The following VPS13B variants were observed in gnomAD, a reference collection of about 807,000 sequenced individuals.
VPS13B encodes vacuolar protein sorting 13 homolog B.
Under a neutral mutation model 426.4 loss-of-function variants are expected in VPS13B, and 285 were observed. The ratio of observed to expected loss-of-function variants is 0.67; its 90% CI spans 0.61 to 0.74. The LOEUF (loss-of-function observed/expected upper bound fraction) is 0.74. VPS13B is among the 30% of genes least tolerant of loss of function. The pLI, the probability that VPS13B is intolerant of heterozygous loss-of-function variation, is 0.00. For synonymous variants in VPS13B, 1,676 were observed against 1,676.4 expected (o/e 1.00, Z 0.01); for missense variants, 4,537 against 4,782.6 (o/e 0.95, Z 1.51).
Position 99,135,088 on chromosome 8 carries a change from G to A in VPS13B, c.1376G>A (p.Gly459Glu), listed in dbSNP as rs1810005848. ...FVGCRAMCLK[G>E]IMGVKDFEEN... ...GGTTGCAGAGCCATGTGCCTTAAAG[G>A]AATTATGGGTGTTAAAGATTTTGAA... is the stretch of plus-strand genomic sequence containing the variant. Residue 459 changes from glycine (G) to glutamate (E), a missense_variant, in exon 10 of 62, where the codon GGA (glycine) becomes GAA (glutamate). Gly to Glu is a moderately conservative substitution (Grantham distance 98). This residue lies in a region of VPS13B where 4,311 missense variants were observed against 4,474.3 expected (regional missense o/e 0.96). Coordinates refer to ENST00000357162, the MANE Select transcript of VPS13B (RefSeq NM_152564.5). The A allele has an allele frequency of 6.2e-7, 1 of 1,613,562 alleles. No individual in the cohort carries two copies. Among genetic ancestry groups the A allele is most frequent in the Admixed American group, 1.7e-5 (1 of 59,990 alleles).
Position 99,819,996 on chromosome 8 carries a change from G to T in VPS13B, c.8868G>T (p.Leu2956Phe). Reference sequence around the variant, plus strand: ...TCTGGAAGCCATATGTTAGAACTTTGTTGATAGAACTTCTGCCCTGGGCCC... The same window carrying T: ...TCTGGAAGCCATATGTTAGAACTTTTTTGATAGAACTTCTGCCCTGGGCCC... ...LSIWKPYVRTLLIELLPWALL... is the reference protein window; with the variant it reads ...LSIWKPYVRTFLIELLPWALL... The change falls in exon 49 of 62, where the codon TTG becomes TTT. Residue 2956 changes from leucine to phenylalanine, a missense_variant. By Grantham distance (22) the Leu-to-Phe change is conservative. Around this residue, in one of 2 missense-constraint regions of VPS13B, gnomAD observed 4,311 missense variants for 4,474.3 expected, o/e 0.96. Transcript: ENST00000357162. The T allele has an allele frequency of 2.5e-6, 4 of 1,614,018 alleles. No homozygotes were observed. The highest frequency in any genetic ancestry group is 3.4e-6 in the Non-Finnish European group (4 of 1,179,934).
chr8:99,658,862 C>T (rs1238848031), intron 34 of VPS13B, among the ~76,000 whole-genome samples: 1 of 152,182 alleles, frequency 6.6e-6, no homozygotes, highest in Non-Finnish European at 1.5e-5. Context: ...GTAGCTCAGG[C>T]TGGCGTGCAG....
chr8:99,161,693 C>T lies in VPS13B; in HGVS notation c.2208+4950C>T, dbSNP rs140119358. Among the ~76,000 whole-genome samples, 18 of 149,278 alleles carry T rather than the reference C, an allele frequency of 1.2e-4. No individual in the cohort carries two copies. The South Asian group carries it at 1.9e-3, about 16-fold the overall frequency. ...GCAGAGTGGGAATAGCATTAATATG[C>T]GTGGGAAAACCATTCCCTGGTGTTA... On this transcript the variant is annotated intron_variant, in intron 15 of 61. Coordinates refer to ENST00000357162, the MANE Select transcript of VPS13B (RefSeq NM_152564.5).
chr8:99,452,272 CCTT>C (rs1186353490), intron 23 of VPS13B, among the ~76,000 whole-genome samples: 1 of 152,186 alleles, frequency 6.6e-6, no homozygotes, highest in African/African-American at 2.4e-5. Context: ...GCATCTTTCT[CCTT>C]CTCCTCCTTC....
chr8:99,446,722 A>C (rs900147125), intron 23 of VPS13B, among the ~76,000 whole-genome samples: 3 of 152,170 alleles, frequency 2.0e-5, no homozygotes, highest in Non-Finnish European at 4.4e-5. Context: ...AAAGTCTAAC[A>C]TACAGAAAAT....
At chr8:99,870,341 A>C (rs1449669408) in intron 59 of VPS13B, among the ~76,000 whole-genome samples, 1 of 151,922 alleles carries the variant, frequency 6.6e-6, no homozygotes, top group Non-Finnish European at 1.5e-5. Flanking sequence ...TTTTGTAGAG[A>C]TGGGGGTCTC....
intron 2 of VPS13B, among the ~76,000 whole-genome samples, chr8:99,032,898 A>G (rs1407000764): frequency 2.0e-5 from 3 of 152,046 alleles, no homozygotes; most frequent in Admixed American, 1.3e-4. Flanking sequence ...TTTACTGCAA[A>G]CTAGTTGAGA....
intron 35 of VPS13B, among the ~76,000 whole-genome samples, chr8:99,680,014 C>T (rs1255763206): frequency 2.0e-5 from 3 of 152,116 alleles, no homozygotes; most frequent in Non-Finnish European, 4.4e-5. Flanking sequence ...TGTGTCTGTA[C>T]ATAGCCACCC....
At chr8:99,464,728 G>A (rs148081868) in intron 23 of VPS13B, among the ~76,000 whole-genome samples, 3 of 152,148 alleles carry the variant, frequency 2.0e-5, no homozygotes, top group South Asian at 2.1e-4. Context: ...ACCCCTTGGC[G>A]TTGACACATG....
chr8:99,452,659 A>T (rs1818255948), intron 23 of VPS13B, among the ~76,000 whole-genome samples: 1 of 152,224 alleles, frequency 6.6e-6, no homozygotes, highest in African/African-American at 2.4e-5. Flanking sequence ...ACGAAATGAA[A>T]AAAAGGGGGG....
chr8:99,875,989 G>GAGAC lies in VPS13B; in HGVS notation c.*325_*328dup, dbSNP rs1301576225. 5 of 373,816 alleles carry GAGAC rather than the reference G, an allele frequency of 1.3e-5. No homozygotes were observed. Among genetic ancestry groups the GAGAC allele is most frequent in the Non-Finnish European group, 2.5e-5 (5 of 199,610 alleles). The allele number at this position is 373,816 out of a possible 1,614,324, so 23.2% of individuals were successfully genotyped here. On this transcript the variant is annotated 3_prime_UTR_variant, in exon 62 of 62. Transcript: ENST00000357162. ...CAAAAACGTGTTCCTTCCCCACTTA[G>GAGAC]AGACAATGATTAACAGGGCCCTATA...
At chr8:99,295,636 C>T (rs1189673447) in intron 19 of VPS13B, among the ~76,000 whole-genome samples, 1 of 152,152 alleles carries the variant, frequency 6.6e-6, no homozygotes, top group Non-Finnish European at 1.5e-5. Flanking sequence ...CTGTAGAGTA[C>T]AGATTGTTTA....
At chr8:99,388,135 A>G (rs907306427) in intron 20 of VPS13B, among the ~76,000 whole-genome samples, 1 of 152,196 alleles carries the variant, frequency 6.6e-6, no homozygotes, top group African/African-American at 2.4e-5. Flanking sequence ...GATGTATGCA[A>G]TATGAGGGCA....
At chr8:99,596,016 C>T (rs956328576) in intron 33 of VPS13B, among the ~76,000 whole-genome samples, 3 of 151,804 alleles carry the variant, frequency 2.0e-5, no homozygotes, top group Admixed American at 6.6e-5. Context: ...TAACAAGTTT[C>T]GACAAGAATG....
chr8:99,844,363 CT>C (rs71572047), intron 54 of VPS13B, among the ~76,000 whole-genome samples: 5,343 of 130,922 alleles, frequency 0.041, 82 homozygotes, highest in African/African-American at 0.046. Flanking sequence ...CTTTCTCAGG[CT>C]TTTTTTTTTT....
chr8:99,241,889 T>G lies in VPS13B; in HGVS notation c.2516-32309T>G, dbSNP rs545548603. Among the ~76,000 whole-genome samples the G allele has an allele frequency of 2.0e-3, 300 of 152,316 alleles. 1 individual carries two copies. Among genetic ancestry groups the G allele is most frequent in the Middle Eastern group, 0.014 (4 of 294 alleles). ...TGTAAACATAGATTAGAGTGGAAGC[T>G]TTTGTTTAAAATTAGTGCTGGATAT... On this transcript the variant is annotated intron_variant, in intron 17 of 61. Transcript: ENST00000357162.
chr8:99,205,106 A>T (rs945867942), intron 17 of VPS13B, among the ~76,000 whole-genome samples: 1 of 152,238 alleles, frequency 6.6e-6, no homozygotes, highest in African/African-American at 2.4e-5. Flanking sequence ...AACCAACCCA[A>T]ATGTCCATCA....
chr8:99,079,336 C>A (rs1845315712), intron 3 of VPS13B, among the ~76,000 whole-genome samples: 1 of 151,946 alleles, frequency 6.6e-6, no homozygotes, highest in African/African-American at 2.4e-5. Flanking sequence ...AGATCAATTC[C>A]CAGGCCTCCA....
intron 22 of VPS13B, among the ~76,000 whole-genome samples, chr8:99,432,859 G>A (rs1817186307): frequency 6.6e-6 from 1 of 152,118 alleles, no homozygotes; most frequent in African/African-American, 2.4e-5. Context: ...AAAAGCAACT[G>A]ACAAAATTTA....
Sources: allele counts gnomAD v4.1 joint callset (sites outside exome capture counted in the v4.1 genomes callset), GRCh38; gene constraint gnomAD v4.1.1; regional missense constraint gnomAD v4.1.1; transcripts MANE v1.5; gene names NCBI Gene and HGNC (gene_info 2026-07-23, HGNC 2026-07-21).